THBS2: variants seen among roughly 807,000 people sequenced by gnomAD.
THBS2 encodes thrombospondin-2.
In THBS2, 47 loss-of-function variants were observed where a neutral mutation model predicts 135.2. That is an observed-to-expected ratio of 0.35 (90% CI 0.28 to 0.44). The LOEUF is 0.44. Ranked by LOEUF, THBS2 falls within the 20% of genes least tolerant of loss-of-function variation. THBS2 has a pLI of 1.00. For synonymous variants in THBS2, 639 were observed against 633.8 expected, an observed-to-expected ratio of 1.01 and a Z score of -0.12; for missense variants, 1,288 against 1,603.1, an observed-to-expected ratio of 0.80 and a Z score of 3.36.
rs147574702 is a variant in THBS2 at position 169,241,439 on chromosome 6, A to ATGTG, written c.891+319_891+322dup. On this transcript the variant is annotated intron_variant, in intron 5 of 21. Coordinates refer to ENST00000617924, the MANE Select transcript of THBS2 (RefSeq NM_003247.5). This position sits in a 1 kb window ranked among gnomAD's most constrained non-coding sequence, Gnocchi z 5.5. ...TGTATGTGTGTGTATGTGTGTGTGT[A>ATGTG]TGTGTGTGTGTGTGTGTACACTCAT... Among the ~76,000 whole-genome samples, 2,065 of 124,506 alleles carry ATGTG rather than the reference A, an allele frequency of 0.017. 42 individuals carry two copies. The highest frequency in any genetic ancestry group is 0.056 in the African/African-American group (1,825 of 32,432). 81.7% of individuals were successfully genotyped at this position (124,506 alleles called of 152,430 possible). A position where few individuals can be genotyped will look rare whatever the true frequency, so the allele number is the denominator to read the frequency against.
intron 3 of THBS2, among the ~76,000 whole-genome samples, chr6:169,246,878 A>C (rs2115031178): frequency 6.6e-6 from 1 of 152,306 alleles, no homozygotes; most frequent in East Asian, 1.9e-4. Flanking sequence ...AAGGCCCTAC[A>C]CGTCCGGGAG....
At chr6:169,217,958 ATGGATGGATGGATGAAATGGATGGG>A in intron 21 of THBS2, 129 bp from the exon 22 acceptor site, 1 of 754,004 alleles carries the variant, frequency 1.3e-6, no homozygotes, top group Admixed American at 3.3e-5. Context: ...ATATGGATGG[ATGGATGGATGGATGAAATGGATGGG>A]TGGATGGATG....
In THBS2 at chr6:169,248,852, C is replaced by T. The variant is rs752730083; in HGVS notation, c.174G>A (p.Val58=). 1.2e-6 allele frequency: 2 copies of T among 1,611,664 alleles called. No individual in the cohort carries two copies. The highest frequency in any genetic ancestry group is 2.2e-5 in the South Asian group (2 of 91,082). ...TCACCGGTGGGATGTAGTCAAAGCGCACGAAGCGGTAAGCCGGCACGCCGG... is the reference window on the plus strand; with the variant it reads ...TCACCGGTGGGATGTAGTCAAAGCGTACGAAGCGGTAAGCCGGCACGCCGG... ...PDPGVPAYRF[V]RFDYIPPVNA... Residue 58 remains valine (V), a synonymous_variant, in exon 3 of 22, where the codon GTG becomes GTA. Coordinates refer to ENST00000617924, the MANE Select transcript of THBS2 (RefSeq NM_003247.5).
At chr6:169,243,654 C>T (rs1459677800) in intron 4 of THBS2, among the ~76,000 whole-genome samples, 1 of 152,192 alleles carries the variant, frequency 6.6e-6, no homozygotes, top group Non-Finnish European at 1.5e-5. Context: ...AAAGAAACCA[C>T]CCTGAGTGGA....
Position 169,217,345 on chromosome 6 carries a change from G to T in THBS2, c.*477C>A. On this transcript the variant is annotated 3_prime_UTR_variant, in exon 22 of 22. Transcript: ENST00000617924. The stretch of plus-strand genomic sequence containing the variant: ...TTATAATTTATTTAATGGGATTTGT[G>T]TGTCATTGTAGAGCAACTCTAATTC... The T allele has an allele frequency of 6.4e-6, 1 of 155,824 alleles. No homozygotes were observed. The highest frequency in any genetic ancestry group is 2.0e-4 in the South Asian group (1 of 4,896). 9.7% of individuals were successfully genotyped at this position (155,824 alleles called of 1,614,324 possible).
chr6:169,246,961 C>T (rs777480457), intron 3 of THBS2, among the ~76,000 whole-genome samples: 1 of 152,180 alleles, frequency 6.6e-6, no homozygotes, highest in African/African-American at 2.4e-5. Flanking sequence ...CATATTTTAA[C>T]CAAAATGGAC....
In THBS2 at chr6:169,222,274, T is replaced by G; in HGVS notation, c.3196A>C (p.Lys1066Gln). ...RAYGYSGVSL[K>Q]VVNSTTGTGE... is the part of the protein sequence containing the mutation. ...GTCCCCGTGGTGGAGTTCACCACCT[T>G]GAGGGACACGCCGGAGTAGCCATAG... The change falls in exon 19 of 22, where the codon AAG (lysine) becomes CAG (glutamine). Residue 1066 changes from lysine to glutamine, a missense_variant. By Grantham distance (53) the Lys-to-Gln change is moderately conservative (BLOSUM62 1). Coordinates refer to ENST00000617924, the MANE Select transcript of THBS2 (RefSeq NM_003247.5). The G allele has an allele frequency of 6.2e-7, 1 of 1,613,328 alleles. No homozygotes were observed. The highest frequency in any genetic ancestry group is 8.5e-7 in the Non-Finnish European group (1 of 1,180,040).
chr6:169,242,580 CCAAATTCCCACCTTCCCACATTCCCA>C (rs1780350814), intron 4 of THBS2, among the ~76,000 whole-genome samples: 1 of 131,460 alleles, frequency 7.6e-6, no homozygotes, highest in Admixed American at 7.6e-5. Context: ...CCACCTTCCC[CCAAATTCCCACCTTCCCACATTCCCA>C]CCTTCCCACC....
intron 4 of THBS2, 92 bp from the exon 5 acceptor site, chr6:169,242,050 C>T (rs1780324354): frequency 5.0e-6 from 7 of 1,405,862 alleles, no homozygotes; most frequent in Non-Finnish European, 6.7e-6. Context: ...CGCCCTGGCT[C>T]CCGGAGCGGC....
chr6:169,243,682 A>G (rs988914737), intron 4 of THBS2, among the ~76,000 whole-genome samples: 2 of 152,214 alleles, frequency 1.3e-5, no homozygotes, highest in Non-Finnish European at 2.9e-5. Flanking sequence ...CAGCACACTA[A>G]TCTTTAACTA....
At chr6:169,225,122 C>T in intron 17 of THBS2, 23 bp downstream of exon 17, 1 of 1,611,376 alleles carries the variant, frequency 6.2e-7, no homozygotes, top group Non-Finnish European at 8.5e-7. Flanking sequence ...TCCTCCACGC[C>T]CATGAGCTGA....
In THBS2 at chr6:169,217,542, A is replaced by AATG. The variant is rs1779218827; in HGVS notation, c.*277_*279dup. 2.3e-6 allele frequency: 1 copy of AATG among 430,150 alleles called. No homozygotes were observed. The highest frequency in any genetic ancestry group is 3.4e-5 in the East Asian group (1 of 29,068). 26.6% of individuals were successfully genotyped at this position (430,150 alleles called of 1,614,324 possible). ...TCTTTTTAAACAAACAAGAAAAAGC[A>AATG]ATGTAATGGCATGCCCAATTTTCAC... On this transcript the variant is annotated 3_prime_UTR_variant, in exon 22 of 22. Transcript: ENST00000617924.
chr6:169,245,832 C>T (rs371590931), intron 4 of THBS2, among the ~76,000 whole-genome samples: 56 of 150,368 alleles, frequency 3.7e-4, no homozygotes, highest in African/African-American at 1.3e-3. Flanking sequence ...AAGTCAAGTT[C>T]GACAAATATC....
rs770085693 is a variant in THBS2, at chr6:169,223,277, G to A, written c.2972C>T (p.Thr991Ile). ...AGCGATGCCGGGGTCCGAGTTGGCT[G>A]TCTGAACCAGCTCCTTGCCTTGATG... is the stretch of plus-strand genomic sequence containing the variant. ...IRHQGKELVQ[T>I]ANSDPGIAVG... The change falls in exon 18 of 22, where the codon ACA (threonine) becomes ATA (isoleucine). Residue 991 changes from threonine to isoleucine, a missense_variant. Transcript: ENST00000617924. 4.3e-6 allele frequency: 7 copies of A among 1,614,070 alleles called. No homozygotes were observed. Among genetic ancestry groups the A allele is most frequent in the Admixed American group, 3.3e-5 (2 of 60,020 alleles).
rs148442480 is a variant in THBS2 at position 169,245,455 on chromosome 6, T to C, written c.694+742A>G. Among the ~76,000 whole-genome samples the C allele has an allele frequency of 3.5e-4, 53 of 152,276 alleles. No homozygotes were observed. The South Asian group carries it at 4.6e-3, about 13-fold the overall frequency. On this transcript the variant is annotated intron_variant, in intron 4 of 21. Transcript: ENST00000617924. ...TCATCTGTCAATGATTTAAGTAGCA[T>C]AGATTTCCATCATATGATGGAGTCA...
chr6:169,246,490 G>C (rs533469948), intron 3 of THBS2, among the ~76,000 whole-genome samples: 3 of 152,314 alleles, frequency 2.0e-5, no homozygotes, highest in Non-Finnish European at 2.9e-5. Flanking sequence ...ACAAGAAATG[G>C]AAGTGTAATG....
intron 12 of THBS2, 78 bp downstream of exon 12, chr6:169,232,586 T>C: frequency 1.3e-6 from 2 of 1,529,326 alleles, no homozygotes; most frequent in South Asian, 1.3e-5. Flanking sequence ...TTCCTCTCCT[T>C]CCTCCTGCTG....
At chr6:169,230,370 TC>T (rs147411973) in intron 13 of THBS2, among the ~76,000 whole-genome samples, 3,653 of 152,282 alleles carry the variant, frequency 0.024, 141 homozygotes, top group African/African-American at 0.082. Flanking sequence ...GGGTGTGTCA[TC>T]CCCGTGGCTC....
At chr6:169,244,054 T>C (rs1261620372) in intron 4 of THBS2, among the ~76,000 whole-genome samples, 1 of 152,204 alleles carries the variant, frequency 6.6e-6, no homozygotes, top group Non-Finnish European at 1.5e-5. Context: ...TCCACCTGGC[T>C]TTGAGTAGAC....
Sources: allele counts gnomAD v4.1 joint callset (sites outside exome capture counted in the v4.1 genomes callset), GRCh38; gene constraint gnomAD v4.1.1; non-coding constraint Gnocchi (gnomAD v3.1); transcripts MANE v1.5; gene names NCBI Gene and HGNC (gene_info 2026-07-23, HGNC 2026-07-21).